Variants in ZFAND3 observed in about 807,000 individuals in gnomAD.
The protein encoded by ZFAND3 is AN1-type zinc finger protein 3.
ZFAND3 carries 10 observed loss-of-function variants against 29.6 expected under a neutral mutation model. The observed-to-expected ratio is 0.34, with a 90% CI of 0.21 to 0.57. ZFAND3 has a LOEUF of 0.57. Among genes scored for constraint, ZFAND3 ranks in the 20% least tolerant of loss-of-function variants. ZFAND3 has a pLI of 0.86. For missense variants in ZFAND3, 230 were observed against 304.5 expected (o/e 0.76, Z 1.82); for synonymous variants, 128 against 112.6 (o/e 1.14, Z -0.87).
At chr6:37,908,597 T>G (rs1237182583) in intron 1 of ZFAND3, among the ~76,000 whole-genome samples, 2 of 149,784 alleles carry the variant, frequency 1.3e-5, no homozygotes, top group Non-Finnish European at 3.0e-5. Context: ...TCCTGATAGC[T>G]TAACACATGG....
At position 37,940,081 on chromosome 6, in the gene ZFAND3, T is replaced by C. The variant is rs572387791; in HGVS notation, c.112+10082T>C. Among the ~76,000 whole-genome samples the C allele has an allele frequency of 1.1e-4, 17 of 152,230 alleles. No homozygotes were observed. The South Asian group carries it at 3.3e-3, about 30-fold the overall frequency. On this transcript the variant is annotated intron_variant, in intron 2 of 5. Transcript: ENST00000287218. ...CAGTGTGGGGAGTTAATTGGTAATA[T>C]TCCCTATGTTTCATATCCTCAGTAG...
Position 38,153,163 on chromosome 6 carries a change from C to T in ZFAND3, c.*774C>T, listed in dbSNP as rs996533206. The T allele has an allele frequency of 1.7e-5, 17 of 985,392 alleles. No homozygotes were observed. In the South Asian group the frequency reaches 2.8e-4, roughly 16 times the overall value. The allele number at this position is 985,392 out of a possible 1,614,324, so 61.0% of individuals were successfully genotyped here. On this transcript the variant is annotated 3_prime_UTR_variant, in exon 6 of 6. Coordinates refer to ENST00000287218, the MANE Select transcript of ZFAND3 (RefSeq NM_021943.3). The stretch of plus-strand genomic sequence containing the variant: ...CCTCCGCCGGCTCTGGTCTGCCATT[C>T]GCCAGTGCAGGGATCTGGCACGGAC...
At chr6:38,009,702 TAAA>T (rs1763112968) in intron 2 of ZFAND3, among the ~76,000 whole-genome samples, 1 of 152,216 alleles carries the variant, frequency 6.6e-6, no homozygotes. Flanking sequence ...TCCTTCATCT[TAAA>T]CTCCAATAGA....
chr6:37,833,037 T>C (rs572282199), intron 1 of ZFAND3: 11 of 152,192 alleles, frequency 7.2e-5, no homozygotes, highest in Non-Finnish European at 1.6e-4. Context: ...CACTCCTCCT[T>C]TGGTAACCTG....
chr6:38,002,476 C>T (rs1287444366), intron 2 of ZFAND3, among the ~76,000 whole-genome samples: 1 of 151,662 alleles, frequency 6.6e-6, no homozygotes, highest in Admixed American at 6.6e-5. Context: ...CCCAGGAATC[C>T]GAGACAAGGC....
In ZFAND3 at chr6:37,912,030, C is replaced by CTGTGTGTGTG. The variant is rs59017250; in HGVS notation, c.72-17896_72-17887dup. On this transcript the variant is annotated intron_variant, in intron 1 of 5. Transcript: ENST00000287218. ...GATCTGTCTTCTGCCAGTCTTTTAT[C>CTGTGTGTGTG]TGTGTGTGTGTGTGTGTGTGTGTGT... Among the ~76,000 whole-genome samples the CTGTGTGTGTG allele has an allele frequency of 6.8e-3, 954 of 139,782 alleles. 8 individuals carry two copies. Among genetic ancestry groups the CTGTGTGTGTG allele is most frequent in the African/African-American group, 0.015 (558 of 36,490 alleles). The allele number at this position is 139,782 out of a possible 152,430, so 91.7% of individuals were successfully genotyped here. A position where few individuals can be genotyped will look rare whatever the true frequency, so the allele number is the denominator to read the frequency against.
At chr6:38,120,784 A>G (rs1441435610) in intron 5 of ZFAND3, among the ~76,000 whole-genome samples, 2 of 152,010 alleles carry the variant, frequency 1.3e-5, no homozygotes, top group Non-Finnish European at 1.5e-5. Context: ...GCTTTTATTA[A>G]CCTCCTGAGT....
intron 2 of ZFAND3, among the ~76,000 whole-genome samples, chr6:37,978,152 C>G (rs371813788): frequency 5.3e-5 from 8 of 152,114 alleles, no homozygotes; most frequent in Non-Finnish European, 1.0e-4. Flanking sequence ...TCAGGCCAGT[C>G]TCGAACTGAG....
rs564496470 is a variant in ZFAND3, at chr6:38,152,977, C to A, written c.*588C>A. On this transcript the variant is annotated 3_prime_UTR_variant, in exon 6 of 6. Coordinates refer to ENST00000287218, the MANE Select transcript of ZFAND3 (RefSeq NM_021943.3). Reference sequence around the variant, plus strand: ...ATGGGGGGTGGGGGACAGATTCTTACGGAAATTTTTTTACCTGACTTGCTA... The same window carrying A: ...ATGGGGGGTGGGGGACAGATTCTTAAGGAAATTTTTTTACCTGACTTGCTA... The A allele has an allele frequency of 2.0e-6, 2 of 985,726 alleles. No individual in the cohort carries two copies. Among genetic ancestry groups the A allele is most frequent in the Non-Finnish European group, 2.4e-6 (2 of 829,964 alleles). 61.1% of individuals were successfully genotyped at this position (985,726 alleles called of 1,614,324 possible). A position where few individuals can be genotyped will look rare whatever the true frequency, so the allele number is the denominator to read the frequency against.
At chr6:38,032,679 A>T (rs1462521409) in intron 2 of ZFAND3, among the ~76,000 whole-genome samples, 1 of 152,192 alleles carries the variant, frequency 6.6e-6, no homozygotes, top group Non-Finnish European at 1.5e-5. Context: ...GGAGTTGATT[A>T]TCTAATAACT....
At chr6:37,922,370 G>T (rs1339810505) in intron 1 of ZFAND3, among the ~76,000 whole-genome samples, 1 of 152,038 alleles carries the variant, frequency 6.6e-6, no homozygotes, top group African/African-American at 2.4e-5. Flanking sequence ...GTATGTAATG[G>T]ATTGTCACAG....
intron 2 of ZFAND3, among the ~76,000 whole-genome samples, chr6:38,014,686 A>G (rs917740464): frequency 2.6e-5 from 4 of 152,292 alleles, no homozygotes; most frequent in East Asian, 1.9e-4. Context: ...TCTGGCTTCA[A>G]TCATCTCTTT....
At chr6:38,046,727 A>C (rs937688522) in intron 2 of ZFAND3, among the ~76,000 whole-genome samples, 1 of 152,230 alleles carries the variant, frequency 6.6e-6, no homozygotes, top group African/African-American at 2.4e-5. Flanking sequence ...TTAAAACACA[A>C]AATTTTGAGT....
intron 1 of ZFAND3, among the ~76,000 whole-genome samples, chr6:37,850,358 G>A (rs1294676928): frequency 6.8e-6 from 1 of 147,476 alleles, no homozygotes; most frequent in Non-Finnish European, 1.5e-5. Flanking sequence ...ATATTCTGCT[G>A]TTTACTTTGT....
intron 2 of ZFAND3, among the ~76,000 whole-genome samples, chr6:38,056,420 C>A (rs919983390): frequency 2.6e-5 from 4 of 152,152 alleles, no homozygotes; most frequent in Non-Finnish European, 4.4e-5. Context: ...TTCTGAAAGA[C>A]GTATTATTGT....
chr6:38,067,590 T>G (rs1003931455), intron 3 of ZFAND3, among the ~76,000 whole-genome samples: 1 of 152,262 alleles, frequency 6.6e-6, no homozygotes, highest in Non-Finnish European at 1.5e-5. Context: ...CTTTTGCTAC[T>G]GCCTATTTAC....
chr6:37,966,022 C>G (rs1463868512), intron 2 of ZFAND3, among the ~76,000 whole-genome samples: 5 of 152,136 alleles, frequency 3.3e-5, no homozygotes, highest in Admixed American at 2.0e-4. Flanking sequence ...CTTGACCTCC[C>G]TAAGTGCTGG....
chr6:38,135,441 C>G (rs780908882), intron 5 of ZFAND3, among the ~76,000 whole-genome samples: 14 of 152,154 alleles, frequency 9.2e-5, no homozygotes, highest in Admixed American at 2.0e-4. Context: ...AGACAGAGCT[C>G]AGTTAAGAAA....
rs1032723978 is a variant in ZFAND3 at position 38,153,015 on chromosome 6, T to C, written c.*626T>C. The C allele has an allele frequency of 1.0e-6, 1 of 985,752 alleles. No homozygotes were observed. Among genetic ancestry groups the C allele is most frequent in the African/African-American group, 1.7e-5 (1 of 57,226 alleles). 61.1% of individuals were successfully genotyped at this position (985,752 alleles called of 1,614,324 possible). ...ACCTGACTTGCTATGAAAAAACTCA[T>C]CACACAAGAAGAGAAACAGTAACCT... is the stretch of plus-strand genomic sequence containing the variant. On this transcript the variant is annotated 3_prime_UTR_variant, in exon 6 of 6. Coordinates refer to ENST00000287218, the MANE Select transcript of ZFAND3 (RefSeq NM_021943.3).
Sources: allele counts gnomAD v4.1 joint callset (sites outside exome capture counted in the v4.1 genomes callset), GRCh38; gene constraint gnomAD v4.1.1; transcripts MANE v1.5; gene names NCBI Gene and HGNC (gene_info 2026-07-23, HGNC 2026-07-21).